ARF1: variants seen among roughly 807,000 people sequenced by gnomAD.
ARF1 encodes the protein ARF GTPase 1.
A neutral mutation model predicts 18.0 loss-of-function variants in ARF1; 1 was observed. The observed-to-expected ratio is 0.06, with a 90% CI of 0.02 to 0.26. The LOEUF (loss-of-function observed/expected upper bound fraction) is 0.26. ARF1 is among the 10% of genes least tolerant of loss of function. The pLI, the probability that ARF1 is intolerant of heterozygous loss-of-function variation, is 1.00. For missense variants in ARF1, 73 were observed against 247.2 expected (o/e 0.30, Z 4.73); for synonymous variants, 112 against 96.3 (o/e 1.16, Z -0.95).
rs763751551 is a variant in ARF1 at position 228,097,718 on chromosome 1, A to G, written c.384+3A>G. ...TCCTGGTGTTCGCCAACAAGCAGGTAGGCGCCCGGGCCAGCCTGGGGAATG... is the reference window on the plus strand; with the variant it reads ...TCCTGGTGTTCGCCAACAAGCAGGTGGGCGCCCGGGCCAGCCTGGGGAATG... On this transcript the variant is annotated splice_donor_region_variant and intron_variant, in intron 4 of 4. Transcript: ENST00000272102. The surrounding 1 kb of genome is among the most constrained non-coding windows in gnomAD (Gnocchi z 8.1). The G allele has an allele frequency of 6.2e-7, 1 of 1,605,156 alleles. No homozygotes were observed. Among genetic ancestry groups the G allele is most frequent in the Admixed American group, 1.7e-5 (1 of 59,534 alleles).
chr1:228,097,075 C>T lies in ARF1; in HGVS notation c.-37-3C>T, dbSNP rs776618422. ...CCAGACATGGAGCACCTTGTCTCTC[C>T]AGGTGTCCCTGGCCAGTGTCCTTCC... On this transcript the variant is annotated splice_region_variant and splice_polypyrimidine_tract_variant and intron_variant, in intron 1 of 4. Coordinates refer to ENST00000272102, the MANE Select transcript of ARF1 (RefSeq NM_001658.4). This position sits in a 1 kb window ranked among gnomAD's most constrained non-coding sequence, Gnocchi z 8.1. 4.2e-5 allele frequency: 66 copies of T among 1,561,994 alleles called. No homozygotes were observed. Among genetic ancestry groups the T allele is most frequent in the Non-Finnish European group, 5.5e-5 (63 of 1,153,760 alleles).
At chr1:228,094,560 C>T in intron 1 of ARF1, among the ~76,000 whole-genome samples, 1 of 152,084 alleles carries the variant, frequency 6.6e-6, no homozygotes, top group East Asian at 1.9e-4. Flanking sequence ...CCCATTCTTG[C>T]AGGTGTCCAC....
intron 1 of ARF1, among the ~76,000 whole-genome samples, chr1:228,085,320 T>TG (rs1571834071): frequency 6.6e-6 from 1 of 152,388 alleles, no homozygotes; most frequent in East Asian, 1.9e-4. Context: ...AAGGCATAGT[T>TG]GCATTTATTG....
At position 228,095,445 on chromosome 1, in the gene ARF1, A is replaced by G. The variant is rs901506597; in HGVS notation, c.-37-1633A>G. Among the ~76,000 whole-genome samples, 6 of 152,178 alleles carry G rather than the reference A, an allele frequency of 3.9e-5. 1 individual carries two copies. The highest frequency in any genetic ancestry group is 3.9e-4 in the Admixed American group (6 of 15,296). ...TGCTCCCCTAGACCAAGCTTGTCCA[A>G]CCCTTAGGCCGCATGTGGCCCAGGA... On this transcript the variant is annotated intron_variant, in intron 1 of 4. Coordinates refer to ENST00000272102, the MANE Select transcript of ARF1 (RefSeq NM_001658.4).
At chr1:228,086,897 T>C (rs964287867) in intron 1 of ARF1, among the ~76,000 whole-genome samples, 13 of 152,150 alleles carry the variant, frequency 8.5e-5, no homozygotes, top group Admixed American at 5.9e-4. Flanking sequence ...GTAGACAGTG[T>C]CAGAATTGAA....
rs536228723 is a variant in ARF1 at position 228,094,320 on chromosome 1, A to C, written c.-37-2758A>C. Among the ~76,000 whole-genome samples, 57 of 152,180 alleles carry C rather than the reference A, an allele frequency of 3.7e-4. 1 individual carries two copies. The highest frequency in any genetic ancestry group is 1.3e-3 in the African/African-American group (56 of 41,494). On this transcript the variant is annotated intron_variant, in intron 1 of 4. Coordinates refer to ENST00000272102, the MANE Select transcript of ARF1 (RefSeq NM_001658.4). ...CTAGACTTGTTAACTTGTACAGTTA[A>C]CAAGCCTTTGACACCACACACCCTC...
chr1:228,096,957 C>T (rs1353780784), intron 1 of ARF1, 121 bp from the exon 2 acceptor site: 1 of 914,308 alleles, frequency 1.1e-6, no homozygotes. Flanking sequence ...GGCTCTTTCC[C>T]TGTTTCCCTG....
In ARF1 at chr1:228,097,305, C is replaced by T. The variant is rs2032781816; in HGVS notation, c.149-37C>T. The T allele has an allele frequency of 6.2e-7, 1 of 1,610,012 alleles. No individual in the cohort carries two copies. Among genetic ancestry groups the T allele is most frequent in the Middle Eastern group, 1.7e-4 (1 of 6,046 alleles). On this transcript the variant is annotated intron_variant, in intron 2 of 4. Transcript: ENST00000272102. This position sits in a 1 kb window ranked among gnomAD's most constrained non-coding sequence, Gnocchi z 8.1. ...AGGGAGTGGGCTGGGCTGGGCTGGG[C>T]CAAGGTACAAGGCCTCACCCTGCAT...
At chr1:228,092,390 A>G (rs972469293) in intron 1 of ARF1, among the ~76,000 whole-genome samples, 2 of 152,162 alleles carry the variant, frequency 1.3e-5, no homozygotes, top group African/African-American at 2.4e-5. Context: ...CAAGGCTGCA[A>G]TGGGCTGTGA....
At position 228,097,475 on chromosome 1, in the gene ARF1, C is replaced by A; in HGVS notation, c.259+23C>A. On this transcript the variant is annotated intron_variant, in intron 3 of 4. Transcript: ENST00000272102. The surrounding 1 kb of genome is among the most constrained non-coding windows in gnomAD (Gnocchi z 8.1). ...AAGGTAAGTGGCTGGGGCCTGGTCC[C>A]ATGGGCACTCCTGCTTCTAGAGAGG... 6.2e-7 allele frequency: 1 copy of A among 1,613,830 alleles called. No individual in the cohort carries two copies.
At chr1:228,092,293 T>TA (rs1375127515) in intron 1 of ARF1, among the ~76,000 whole-genome samples, 4 of 152,036 alleles carry the variant, frequency 2.6e-5, no homozygotes, top group Admixed American at 2.6e-4. Flanking sequence ...TAGAAAATAT[T>TA]AAAAATCAGC....
At chr1:228,088,526 A>G (rs1237771557) in intron 1 of ARF1, among the ~76,000 whole-genome samples, 1 of 152,192 alleles carries the variant, frequency 6.6e-6, no homozygotes, top group Non-Finnish European at 1.5e-5. Flanking sequence ...AATATGAAAA[A>G]AAAATTTTTG....
intron 1 of ARF1, among the ~76,000 whole-genome samples, chr1:228,086,330 A>T (rs1228848201): frequency 6.6e-6 from 1 of 152,092 alleles, no homozygotes; most frequent in African/African-American, 2.4e-5. Context: ...CCTGGCGAAC[A>T]TGGTGATACC....
intron 1 of ARF1, among the ~76,000 whole-genome samples, chr1:228,092,173 G>C (rs2032596662): frequency 6.6e-6 from 1 of 152,196 alleles, no homozygotes; most frequent in Non-Finnish European, 1.5e-5. Context: ...TCTGGGTGGG[G>C]TGCATTGGCT....
chr1:228,097,535 T>C lies in ARF1; in HGVS notation c.260-56T>C, dbSNP rs535462991. On this transcript the variant is annotated intron_variant, in intron 3 of 4. Coordinates refer to ENST00000272102, the MANE Select transcript of ARF1 (RefSeq NM_001658.4). The surrounding 1 kb of genome is among the most constrained non-coding windows in gnomAD (Gnocchi z 8.1). ...CCCATAGATGGGGCATCGATGCCCA[T>C]AGATGCGGCAGGGGGGCTGTGTTCC... 9 of 1,613,532 alleles carry C rather than the reference T, an allele frequency of 5.6e-6. No homozygotes were observed. The East Asian group carries it at 1.3e-4, about 24-fold the overall frequency.
intron 1 of ARF1, among the ~76,000 whole-genome samples, chr1:228,091,699 C>G (rs2032581333): frequency 6.6e-6 from 1 of 152,172 alleles, no homozygotes; most frequent in African/African-American, 2.4e-5. Flanking sequence ...TTAGTTTTCC[C>G]TTTACGTGAG....
chr1:228,089,749 T>C lies in ARF1; in HGVS notation c.-38+6984T>C, dbSNP rs1003994711. ...CAGCAGTGTGCTGTTCCAGTTCCCC[T>C]TTTTTTTTTCAAGTGGTGTAGAAAG... On this transcript the variant is annotated intron_variant, in intron 1 of 4. Transcript: ENST00000272102. This position sits in a 1 kb window ranked among gnomAD's most constrained non-coding sequence, Gnocchi z 4.1. 4.1e-5 allele frequency among the ~76,000 whole-genome samples: 6 copies of C among 147,922 alleles called. No individual in the cohort carries two copies. The highest frequency in any genetic ancestry group is 2.1e-4 in the South Asian group (1 of 4,658).
chr1:228,085,877 G>T (rs2032378625), intron 1 of ARF1, among the ~76,000 whole-genome samples: 1 of 152,182 alleles, frequency 6.6e-6, no homozygotes. Flanking sequence ...TACATATCTG[G>T]CCTGCCTCCC....
intron 1 of ARF1, among the ~76,000 whole-genome samples, chr1:228,094,976 C>A (rs1244628021): frequency 6.6e-6 from 1 of 152,132 alleles, no homozygotes; most frequent in Non-Finnish European, 1.5e-5. Flanking sequence ...CACTCTGGAA[C>A]AGGGAAAAAT....
Sources: allele counts gnomAD v4.1 joint callset (sites outside exome capture counted in the v4.1 genomes callset), GRCh38; gene constraint gnomAD v4.1.1; non-coding constraint Gnocchi (gnomAD v3.1); transcripts MANE v1.5; gene names NCBI Gene and HGNC (gene_info 2026-07-23, HGNC 2026-07-21).